Variants in JPH1 observed in about 807,000 individuals in gnomAD.
The protein encoded by JPH1 is junctophilin-1.
Under a neutral mutation model 53.6 loss-of-function variants are expected in JPH1, and 12 were observed. That is an observed-to-expected ratio of 0.22 (90% CI 0.14 to 0.36). The LOEUF (loss-of-function observed/expected upper bound fraction) is 0.36. JPH1 is among the 10% of genes least tolerant of loss of function. JPH1 has a pLI of 1.00. For synonymous variants in JPH1, 375 were observed against 363.8 expected (o/e 1.03, Z -0.35); for missense variants, 808 against 905.5 (o/e 0.89, Z 1.38).
intron 2 of JPH1, among the ~76,000 whole-genome samples, chr8:74,289,814 T>C (rs1807271741): frequency 6.6e-6 from 1 of 152,226 alleles, no homozygotes; most frequent in Admixed American, 6.5e-5. Flanking sequence ...CTTTTCTGCA[T>C]CTATTGAGAT....
intron 2 of JPH1, among the ~76,000 whole-genome samples, chr8:74,295,965 A>T (rs1424897188): frequency 6.7e-6 from 1 of 148,422 alleles, no homozygotes; most frequent in Non-Finnish European, 1.5e-5. Flanking sequence ...TCAGTTACGA[A>T]TAATCACCAT....
intron 3 of JPH1, among the ~76,000 whole-genome samples, chr8:74,254,054 T>G (rs1216864135): frequency 6.6e-6 from 1 of 152,094 alleles, no homozygotes; most frequent in Non-Finnish European, 1.5e-5. Context: ...GAGGCCAGCA[T>G]CATCCTGATA....
At chr8:74,265,498 T>A (rs1227380313) in intron 2 of JPH1, among the ~76,000 whole-genome samples, 1 of 152,192 alleles carries the variant, frequency 6.6e-6, no homozygotes, top group Non-Finnish European at 1.5e-5. Flanking sequence ...TTATAAAACT[T>A]ATCTAAGACT....
chr8:74,287,119 A>G (rs969342370), intron 2 of JPH1, among the ~76,000 whole-genome samples: 3 of 152,172 alleles, frequency 2.0e-5, no homozygotes, highest in Non-Finnish European at 4.4e-5. Flanking sequence ...TGCATGCATT[A>G]GATATGGTTT....
At chr8:74,251,114 G>A (rs1274666041) in intron 3 of JPH1, among the ~76,000 whole-genome samples, 2 of 152,102 alleles carry the variant, frequency 1.3e-5, no homozygotes, top group Non-Finnish European at 2.9e-5. Context: ...CATATACCAT[G>A]GCCATAGTTC....
At chr8:74,272,720 C>T (rs1266546298) in intron 2 of JPH1, among the ~76,000 whole-genome samples, 2 of 151,550 alleles carry the variant, frequency 1.3e-5, no homozygotes, top group African/African-American at 4.9e-5. Context: ...TCTCCTGCCT[C>T]AGCCTCCCGT....
Position 74,285,395 on chromosome 8 carries a change from T to A in JPH1, c.1140-25892A>T, listed in dbSNP as rs761080948. Among the ~76,000 whole-genome samples, 7 of 152,204 alleles carry A rather than the reference T, an allele frequency of 4.6e-5. No individual in the cohort carries two copies. In the South Asian group the frequency reaches 1.5e-3, roughly 32 times the overall value. ...ATGTGAGCCGGTACTACTTCTAGAA[T>A]GAGGAAGCTCTTTATGTAATGATAT... On this transcript the variant is annotated intron_variant, in intron 2 of 5. Coordinates refer to ENST00000342232, the MANE Select transcript of JPH1 (RefSeq NM_020647.4).
At chr8:74,287,174 G>C (rs1381783590) in intron 2 of JPH1, among the ~76,000 whole-genome samples, 2 of 152,178 alleles carry the variant, frequency 1.3e-5, no homozygotes, top group Non-Finnish European at 1.5e-5. Flanking sequence ...GCTCACACCT[G>C]TAATCCCAGC....
intron 2 of JPH1, among the ~76,000 whole-genome samples, chr8:74,280,296 C>T (rs1324961674): frequency 6.6e-6 from 1 of 152,096 alleles, no homozygotes; most frequent in Non-Finnish European, 1.5e-5. Flanking sequence ...GTACAAATAT[C>T]CCTAATGGAC....
chr8:74,244,109 C>T (rs535835354), intron 4 of JPH1, among the ~76,000 whole-genome samples: 13 of 152,182 alleles, frequency 8.5e-5, no homozygotes, highest in Non-Finnish European at 1.8e-4. Flanking sequence ...GTGGTGAAAA[C>T]AGGAGAACTA....
intron 2 of JPH1, among the ~76,000 whole-genome samples, chr8:74,266,275 A>T (rs1806528573): frequency 6.6e-6 from 1 of 152,130 alleles, no homozygotes; most frequent in African/African-American, 2.4e-5. Context: ...GATACTCTTT[A>T]TCAGAGAGAT....
At chr8:74,249,215 A>G (rs144231775) in intron 3 of JPH1, among the ~76,000 whole-genome samples, 9 of 152,336 alleles carry the variant, frequency 5.9e-5, no homozygotes, top group Non-Finnish European at 1.0e-4. Flanking sequence ...AAGCACCATA[A>G]AGATTCCCCA....
chr8:74,298,955 G>T (rs907710969), intron 2 of JPH1, among the ~76,000 whole-genome samples: 1 of 152,190 alleles, frequency 6.6e-6, no homozygotes, highest in African/African-American at 2.4e-5. Flanking sequence ...ATCAGGAGAA[G>T]ATTAAACAGG....
At position 74,265,997 on chromosome 8, in the gene JPH1, C is replaced by T. The variant is rs56029922; in HGVS notation, c.1140-6494G>A. ...AGCGTTAGCAAGGATGTGGAGAAAC[C>T]GAAGGCCCTGTCCACTGCCAGAGGG... On this transcript the variant is annotated intron_variant, in intron 2 of 5. Coordinates refer to ENST00000342232, the MANE Select transcript of JPH1 (RefSeq NM_020647.4). Among the ~76,000 whole-genome samples, 845 of 150,336 alleles carry T rather than the reference C, an allele frequency of 5.6e-3. 11 individuals carry two copies. The highest frequency in any genetic ancestry group is 0.02 in the African/African-American group (801 of 40,950).
At chr8:74,259,736 A>C (rs148416650) in intron 2 of JPH1, among the ~76,000 whole-genome samples, 1 of 152,364 alleles carries the variant, frequency 6.6e-6, no homozygotes, top group East Asian at 1.9e-4. Flanking sequence ...GAAAAGTAAG[A>C]GCAAGGTCTG....
chr8:74,304,298 A>G (rs942591368), intron 2 of JPH1, among the ~76,000 whole-genome samples: 9 of 152,246 alleles, frequency 5.9e-5, no homozygotes, highest in Non-Finnish European at 1.0e-4. Flanking sequence ...TTTCATTAAG[A>G]ACTGAAGCTT....
Position 74,315,483 on chromosome 8 carries a change from C to T in JPH1, c.517G>A (p.Gly173Ser). ...LASLRSEQSN[G>S]SVLHDAAAAA... ...GCTGCGGCGTCGTGGAGCACGCTGC[C>T]ATTGCTCTGCTCGCTGCGCAGCGAG... is the stretch of plus-strand genomic sequence containing the variant. Residue 173 changes from glycine to serine, a missense_variant, in exon 2 of 6, where the codon GGC (glycine) becomes AGC (serine). This residue lies in a region of JPH1 where 756 missense variants were observed against 811.9 expected (regional missense o/e 0.93). Transcript: ENST00000342232. This position sits in a 1 kb window ranked among gnomAD's most constrained non-coding sequence, Gnocchi z 6.3. 1.9e-6 allele frequency: 3 copies of T among 1,607,422 alleles called. No individual in the cohort carries two copies. The highest frequency in any genetic ancestry group is 1.1e-5 in the South Asian group (1 of 90,720).
intron 2 of JPH1, among the ~76,000 whole-genome samples, chr8:74,310,163 G>C (rs1220722899): frequency 2.6e-5 from 4 of 151,970 alleles, no homozygotes; most frequent in Non-Finnish European, 5.9e-5. Context: ...TCTAAGAGCA[G>C]AGCAGTTGGG....
chr8:74,278,217 T>C (rs1303995926), intron 2 of JPH1, among the ~76,000 whole-genome samples: 1 of 152,142 alleles, frequency 6.6e-6, no homozygotes, highest in East Asian at 1.9e-4. Context: ...CTGATGGTTT[T>C]AAAAAGAGGA....
Sources: allele counts gnomAD v4.1 joint callset (sites outside exome capture counted in the v4.1 genomes callset), GRCh38; gene constraint gnomAD v4.1.1; regional missense constraint gnomAD v4.1.1; non-coding constraint Gnocchi (gnomAD v3.1); transcripts MANE v1.5; gene names NCBI Gene and HGNC (gene_info 2026-07-23, HGNC 2026-07-21).